The following ANO10 variants were observed in gnomAD, a reference collection of about 807,000 sequenced individuals.
ANO10 encodes anoctamin 10.
Under a neutral mutation model 74.7 loss-of-function variants are expected in ANO10, and 77 were observed. The ratio of observed to expected loss-of-function variants is 1.03; its 90% CI spans 0.86 to 1.25. ANO10 has a LOEUF of 1.25. Ranked by LOEUF, ANO10 falls within the 50% of genes most tolerant of loss-of-function variation. The probability of loss-of-function intolerance (pLI) is 0.00; values close to 1 mark genes in which losing one functional copy is unlikely to be tolerated. For missense variants in ANO10, 721 were observed against 778.1 expected (o/e 0.93, Z 0.87); for synonymous variants, 279 against 284.9 (o/e 0.98, Z 0.21).
chr3:43,570,359 A>G (rs962517593), intron 7 of ANO10, among the ~76,000 whole-genome samples: 30 of 151,708 alleles, frequency 2.0e-4, no homozygotes, highest in Non-Finnish European at 3.4e-4. Context: ...GAACCAAAAA[A>G]GAGCCCGCAT....
chr3:43,532,709 T>C (rs1559658619), intron 11 of ANO10, among the ~76,000 whole-genome samples: 1 of 152,214 alleles, frequency 6.6e-6, no homozygotes, highest in African/African-American at 2.4e-5. Flanking sequence ...ATCTTTATAG[T>C]TAGATGAAGC....
intron 1 of ANO10, among the ~76,000 whole-genome samples, chr3:43,680,697 C>T (rs1163285670): frequency 1.3e-5 from 2 of 152,126 alleles, no homozygotes; most frequent in Admixed American, 1.3e-4. Flanking sequence ...GTCGGGTTAC[C>T]CACAAAGGGA....
At chr3:43,453,619 T>A (rs2149002889) in intron 11 of ANO10, among the ~76,000 whole-genome samples, 1 of 152,360 alleles carries the variant, frequency 6.6e-6, no homozygotes, top group Non-Finnish European at 1.5e-5. Context: ...TTTGATCTAT[T>A]TTGAGTTATT....
At chr3:43,451,481 C>G (rs547515647) in intron 11 of ANO10, among the ~76,000 whole-genome samples, 9 of 152,140 alleles carry the variant, frequency 5.9e-5, no homozygotes, top group Non-Finnish European at 1.2e-4. Flanking sequence ...CTTTCTCTAA[C>G]GAAAGTCCTG....
At chr3:43,369,825 A>G (rs1441577121) in intron 12 of ANO10, among the ~76,000 whole-genome samples, 1 of 152,236 alleles carries the variant, frequency 6.6e-6, no homozygotes, top group African/African-American at 2.4e-5. Context: ...GGAGGAAATG[A>G]GCTGCAACAG....
chr3:43,384,460 T>C (rs1204640811), intron 12 of ANO10, among the ~76,000 whole-genome samples: 1 of 152,110 alleles, frequency 6.6e-6, no homozygotes, highest in Non-Finnish European at 1.5e-5. Context: ...AAAAAGAGCC[T>C]GCATAGCCAA....
At chr3:43,498,320 G>A (rs1188367337) in intron 11 of ANO10, among the ~76,000 whole-genome samples, 1 of 152,180 alleles carries the variant, frequency 6.6e-6, no homozygotes, top group East Asian at 1.9e-4. Flanking sequence ...CTCCCCAGAA[G>A]ATGGGTGGTA....
intron 2 of ANO10, among the ~76,000 whole-genome samples, chr3:43,602,537 T>C (rs57838122): frequency 0.1 from 15,336 of 152,208 alleles, 1,254 homozygotes; most frequent in African/African-American, 0.22. Context: ...GGTTTCACTG[T>C]GTTAGCCAGG....
chr3:43,384,515 C>T (rs72863656), intron 12 of ANO10, among the ~76,000 whole-genome samples: 1 of 152,046 alleles, frequency 6.6e-6, no homozygotes, highest in Middle Eastern at 3.2e-3. Context: ...ATACATTACC[C>T]GACTTCAAAC....
At chr3:43,379,204 A>G (rs2091892579) in intron 12 of ANO10, among the ~76,000 whole-genome samples, 1 of 152,252 alleles carries the variant, frequency 6.6e-6, no homozygotes, top group Non-Finnish European at 1.5e-5. Context: ...CTTGGGATAC[A>G]TACAGCACTG....
chr3:43,451,154 C>CAGA (rs1394763334), intron 11 of ANO10, among the ~76,000 whole-genome samples: 1 of 152,192 alleles, frequency 6.6e-6, no homozygotes, highest in East Asian at 1.9e-4. Context: ...AGGCAACACT[C>CAGA]AGAGTATAAG....
At chr3:43,580,694 A>T (rs1356868298) in intron 4 of ANO10, among the ~76,000 whole-genome samples, 1 of 152,204 alleles carries the variant, frequency 6.6e-6, no homozygotes, top group Non-Finnish European at 1.5e-5. Context: ...ATTTTAAACC[A>T]TATAGAAGTG....
intron 1 of ANO10, among the ~76,000 whole-genome samples, chr3:43,675,427 C>T (rs2084110527): frequency 6.6e-6 from 1 of 151,940 alleles, no homozygotes; most frequent in Non-Finnish European, 1.5e-5. Context: ...AAAGTATGTG[C>T]CATATGAAGA....
intron 11 of ANO10, among the ~76,000 whole-genome samples, chr3:43,491,257 T>C (rs1316579635): frequency 3.3e-5 from 5 of 152,142 alleles, no homozygotes; most frequent in Non-Finnish European, 5.9e-5. Context: ...CTCATGCCTG[T>C]AATCCCAGCA....
chr3:43,551,347 C>CA, intron 10 of ANO10: 1 of 340,326 alleles, frequency 2.9e-6, no homozygotes, highest in African/African-American at 2.2e-5. Flanking sequence ...CCTGAACTTG[C>CA]AATATGTTTG....
chr3:43,559,248 T>C (rs2079908462), intron 9 of ANO10, among the ~76,000 whole-genome samples: 1 of 152,144 alleles, frequency 6.6e-6, no homozygotes, highest in Non-Finnish European at 1.5e-5. Context: ...TTAGATAAAT[T>C]AGAATTGCTC....
Position 43,443,872 on chromosome 3 carries a change from G to A in ANO10, c.1798-11145C>T, listed in dbSNP as rs538013721. Among the ~76,000 whole-genome samples, 17 of 151,574 alleles carry A rather than the reference G, an allele frequency of 1.1e-4. No homozygotes were observed. The South Asian group carries it at 2.1e-3, about 19-fold the overall frequency. On this transcript the variant is annotated intron_variant, in intron 11 of 12. Transcript: ENST00000292246. ...ATTTTTTTGTATTTTTAGTAGAGAC[G>A]GGTTTCACCATGTTGGCCAGGCGGG...
chr3:43,369,268 G>A (rs1575581752), intron 12 of ANO10, among the ~76,000 whole-genome samples: 1 of 152,370 alleles, frequency 6.6e-6, no homozygotes, highest in East Asian at 1.9e-4. Context: ...CACTTGGCTG[G>A]GTTCCTCCCA....
rs200797513 is a variant in ANO10 at position 43,598,582 on chromosome 3, T to G, written c.422A>C (p.Lys141Thr). The G allele has an allele frequency of 1.9e-6, 3 of 1,613,076 alleles. No individual in the cohort carries two copies. In the East Asian group the frequency reaches 6.7e-5, roughly 36 times the overall value. Reference sequence around the variant, plus strand: ...TGCCTGAGGGTAACCAGGGATCATTTTTTCATCTTTAGCTCTAAGATTTTC... The same window carrying G: ...TGCCTGAGGGTAACCAGGGATCATTGTTTCATCTTTAGCTCTAAGATTTTC... Reference protein sequence around the residue: ...ELENLRAKDEKMIPGYPQAKL... With the variant: ...ELENLRAKDETMIPGYPQAKL... The change falls in exon 4 of 13, where the codon AAA becomes ACA. Residue 141 changes from lysine to threonine, a missense_variant. By Grantham distance (78) the Lys-to-Thr change is moderately conservative. Transcript: ENST00000292246.
Sources: gnomAD v4.1 joint callset for allele counts (sites outside exome capture counted in the v4.1 genomes callset) on GRCh38, gnomAD v4.1.1 for gene constraint, MANE v1.5 for transcripts, NCBI Gene and HGNC (gene_info 2026-07-23, HGNC 2026-07-21) for gene names.